TRPC6: variants seen among roughly 807,000 people sequenced by gnomAD.
TRPC6 encodes the protein short transient receptor potential channel 6.
TRPC6 carries 55 observed loss-of-function variants against 90.7 expected under a neutral mutation model. The observed-to-expected ratio is 0.61, with a 90% CI of 0.49 to 0.76. The LOEUF (loss-of-function observed/expected upper bound fraction) is 0.76. Ranked by LOEUF, TRPC6 falls within the 30% of genes least tolerant of loss-of-function variation. The probability of loss-of-function intolerance (pLI) is 0.00; values close to 1 mark genes in which losing one functional copy is unlikely to be tolerated. For missense variants in TRPC6, 989 were observed against 1,122.7 expected, an observed-to-expected ratio of 0.88 and a Z score of 1.70; for synonymous variants, 393 against 393.0, an observed-to-expected ratio of 1.00 and a Z score of 0.00.
chr11:101,520,814 AG>A (rs1860642553), intron 1 of TRPC6, among the ~76,000 whole-genome samples: 1 of 152,168 alleles, frequency 6.6e-6, no homozygotes, highest in South Asian at 2.1e-4. Flanking sequence ...CCCTTGCCTT[AG>A]GGGACTGTGG....
At chr11:101,471,070 G>T (rs1859281506) in intron 9 of TRPC6, 113 bp downstream of exon 9, 2 of 997,410 alleles carry the variant, frequency 2.0e-6, no homozygotes, top group African/African-American at 1.6e-5. Context: ...GACTGCATAT[G>T]GGAATGAATG....
intron 1 of TRPC6, among the ~76,000 whole-genome samples, chr11:101,546,677 C>G (rs921750297): frequency 2.0e-5 from 3 of 152,122 alleles, no homozygotes; most frequent in African/African-American, 7.2e-5. Flanking sequence ...AAGCAACTAT[C>G]ATATCATTTG....
chr11:101,499,566 C>T (rs12222976), intron 2 of TRPC6, among the ~76,000 whole-genome samples: 24,158 of 80,704 alleles, frequency 0.3, 4,616 homozygotes, highest in African/African-American at 0.4. Flanking sequence ...CATATATATA[C>T]ATAAATGGTG....
chr11:101,559,635 C>CTT (rs11286449), intron 1 of TRPC6, among the ~76,000 whole-genome samples: 2,896 of 148,236 alleles, frequency 0.02, 118 homozygotes, highest in African/African-American at 0.067. Context: ...AATGTCTTTT[C>CTT]TTTTTTTTTT....
intron 2 of TRPC6, 51 bp downstream of exon 2, chr11:101,503,973 C>T (rs763521065): frequency 3.7e-6 from 6 of 1,611,846 alleles, no homozygotes; most frequent in Non-Finnish European, 5.1e-6. Flanking sequence ...CTGGTAAATA[C>T]ACCTTGACTC....
At chr11:101,581,788 C>T (rs1480829660) in intron 1 of TRPC6, among the ~76,000 whole-genome samples, 3 of 152,206 alleles carry the variant, frequency 2.0e-5, no homozygotes, top group Non-Finnish European at 4.4e-5. Flanking sequence ...GGACTAGCAA[C>T]CTTGTCATCA....
chr11:101,506,736 C>A (rs1860277575), intron 1 of TRPC6, among the ~76,000 whole-genome samples: 1 of 152,080 alleles, frequency 6.6e-6, no homozygotes. Context: ...AGAATAGCAT[C>A]TGTAACTATT....
At chr11:101,573,601 A>G (rs1376976663) in intron 1 of TRPC6, among the ~76,000 whole-genome samples, 1 of 152,146 alleles carries the variant, frequency 6.6e-6, no homozygotes, top group Non-Finnish European at 1.5e-5. Context: ...CATAAACAAT[A>G]CTGTTTGCCT....
At chr11:101,532,965 C>T (rs1364001859) in intron 1 of TRPC6, among the ~76,000 whole-genome samples, 2 of 152,096 alleles carry the variant, frequency 1.3e-5, no homozygotes, top group Non-Finnish European at 2.9e-5. Context: ...AAAAAAGCAT[C>T]GCAGAACCTC....
At chr11:101,520,252 C>G (rs1489515698) in intron 1 of TRPC6, among the ~76,000 whole-genome samples, 1 of 152,082 alleles carries the variant, frequency 6.6e-6, no homozygotes, top group Non-Finnish European at 1.5e-5. Context: ...CCGCTTCACC[C>G]TCTTCCTCCT....
chr11:101,459,389 T>C (rs1037009488), intron 10 of TRPC6, among the ~76,000 whole-genome samples: 1 of 152,174 alleles, frequency 6.6e-6, no homozygotes, highest in African/African-American at 2.4e-5. Context: ...AAGACACACT[T>C]ACACAAAAGG....
chr11:101,527,941 C>T lies in TRPC6; in HGVS notation c.171-23143G>A, dbSNP rs1490969742. Among the ~76,000 whole-genome samples, 16 of 151,914 alleles carry T rather than the reference C, an allele frequency of 1.1e-4. 1 individual carries two copies. The highest frequency in any genetic ancestry group is 8.5e-4 in the Admixed American group (13 of 15,246). ...TAAAAAAATTAGCTGGGCATAGTGA[C>T]GGGCACCTGTAATCCCAGCTACTCA... On this transcript the variant is annotated intron_variant, in intron 1 of 12. Transcript: ENST00000344327.
At position 101,489,051 on chromosome 11, in the gene TRPC6, C is replaced by T. The variant is rs1859742649; in HGVS notation, c.1179G>A (p.Glu393=). ...TCTGCTGTCGTAAACCAGAAAGATT[C>T]TCATACCAAATGGAGAGAAGTTGCT... The part of the protein sequence containing the change: ...CQQQLLSIWY[E]NLSGLRQQTM... The change falls in exon 4 of 13, where the codon GAG becomes GAA. Residue 393 remains glutamate, a synonymous_variant. Coordinates refer to ENST00000344327, the MANE Select transcript of TRPC6 (RefSeq NM_004621.6). 6.2e-7 allele frequency: 1 copy of T among 1,614,078 alleles called. No homozygotes were observed. Among genetic ancestry groups the T allele is most frequent in the African/African-American group, 1.3e-5 (1 of 74,942 alleles).
At chr11:101,459,629 A>C (rs1226613951) in intron 10 of TRPC6, among the ~76,000 whole-genome samples, 1 of 152,234 alleles carries the variant, frequency 6.6e-6, no homozygotes, top group Non-Finnish European at 1.5e-5. Context: ...CAGGGAAAAT[A>C]AAATTATTTC....
intron 1 of TRPC6, among the ~76,000 whole-genome samples, chr11:101,530,121 T>C (rs11224819): frequency 0.11 from 16,319 of 152,110 alleles, 1,043 homozygotes; most frequent in Admixed American, 0.17. Context: ...CAATCATGCC[T>C]GCCCAGAGAC....
At chr11:101,461,521 A>G (rs986061175) in intron 10 of TRPC6, among the ~76,000 whole-genome samples, 1 of 152,234 alleles carries the variant, frequency 6.6e-6, no homozygotes, top group Non-Finnish European at 1.5e-5. Context: ...GCAGCAAGCC[A>G]TGATGGCACC....
intron 3 of TRPC6, among the ~76,000 whole-genome samples, chr11:101,489,959 A>G (rs1475176006): frequency 1.3e-5 from 2 of 152,164 alleles, no homozygotes; most frequent in African/African-American, 4.8e-5. Flanking sequence ...CTGTGGGTGG[A>G]AGAAATAAGC....
chr11:101,506,829 T>G (rs569316569), intron 1 of TRPC6, among the ~76,000 whole-genome samples: 2 of 152,292 alleles, frequency 1.3e-5, no homozygotes, highest in South Asian at 4.1e-4. Flanking sequence ...GTTTATTCTA[T>G]GTCTTGATCT....
chr11:101,535,645 T>C (rs970361558), intron 1 of TRPC6, among the ~76,000 whole-genome samples: 2 of 152,184 alleles, frequency 1.3e-5, no homozygotes, highest in African/African-American at 4.8e-5. Flanking sequence ...TCCTTTGTGA[T>C]TTGTCTAGTC....
Sources: gnomAD v4.1 joint callset for allele counts (sites outside exome capture counted in the v4.1 genomes callset) on GRCh38, gnomAD v4.1.1 for gene constraint, MANE v1.5 for transcripts, NCBI Gene and HGNC (gene_info 2026-07-23, HGNC 2026-07-21) for gene names.